HHAT: variants seen among roughly 807,000 people sequenced by gnomAD.
HHAT encodes the protein hedgehog acyltransferase.
A neutral mutation model predicts 70.8 loss-of-function variants in HHAT; 47 were observed. The observed-to-expected ratio is 0.66, with a 90% CI of 0.53 to 0.85. The LOEUF is 0.85. Ranked by LOEUF, HHAT falls within the 40% of genes least tolerant of loss-of-function variation. HHAT has a pLI of 0.00. For synonymous variants in HHAT, 228 were observed against 247.6 expected, an observed-to-expected ratio of 0.92 and a Z score of 0.74; for missense variants, 609 against 604.8, an observed-to-expected ratio of 1.01 and a Z score of -0.07.
intron 6 of HHAT, among the ~76,000 whole-genome samples, chr1:210,405,286 A>C (rs1252520013): frequency 6.6e-6 from 1 of 151,706 alleles, no homozygotes; most frequent in African/African-American, 2.4e-5. Context: ...ATGTTAAGCT[A>C]CCTCTGTTGT....
At chr1:210,359,585 A>G (rs1272702451) in intron 2 of HHAT, among the ~76,000 whole-genome samples, 1 of 152,074 alleles carries the variant, frequency 6.6e-6, no homozygotes, top group Non-Finnish European at 1.5e-5. Flanking sequence ...CTCCGACCTG[A>G]CCAATCAGCC....
At chr1:210,599,657 C>G (rs1663801079) in intron 10 of HHAT, among the ~76,000 whole-genome samples, 1 of 152,134 alleles carries the variant, frequency 6.6e-6, no homozygotes, top group Non-Finnish European at 1.5e-5. Context: ...TACTGAAATC[C>G]TAATCCAAGC....
At chr1:210,524,037 C>CTAAAA (rs1320441433) in intron 9 of HHAT, among the ~76,000 whole-genome samples, 1 of 152,094 alleles carries the variant, frequency 6.6e-6, no homozygotes, top group Non-Finnish European at 1.5e-5. Context: ...TATGAGGTAT[C>CTAAAA]TAAAATAAAC....
chr1:210,618,864 A>T (rs1215766272), intron 10 of HHAT, among the ~76,000 whole-genome samples: 1 of 152,200 alleles, frequency 6.6e-6, no homozygotes, highest in Admixed American at 6.5e-5. Flanking sequence ...AGCCATGGAC[A>T]CCTCACACCT....
At chr1:210,405,990 A>C (rs1018840417) in intron 6 of HHAT, among the ~76,000 whole-genome samples, 2 of 152,186 alleles carry the variant, frequency 1.3e-5, no homozygotes, top group African/African-American at 4.8e-5. Context: ...GTATCGCCAG[A>C]GAGCTTGTTA....
At position 210,663,364 on chromosome 1, in the gene HHAT, T is replaced by C. The variant is rs185242515; in HGVS notation, c.1391-10924T>C. Among the ~76,000 whole-genome samples the C allele has an allele frequency of 4.1e-3, 632 of 152,324 alleles. 4 individuals are homozygous for C. Among genetic ancestry groups the C allele is most frequent in the African/African-American group, 0.014 (602 of 41,576 alleles). ...CCAAGGATTTAAAGGAAAAGAATCC[T>C]GGCCAGCAACGTTCACCATGTGACC... On this transcript the variant is annotated intron_variant, in intron 11 of 11. Transcript: ENST00000261458.
At chr1:210,664,944 A>G (rs150902467) in intron 11 of HHAT, among the ~76,000 whole-genome samples, 3 of 152,330 alleles carry the variant, frequency 2.0e-5, no homozygotes, top group African/African-American at 7.2e-5. Context: ...CCCCAAATTC[A>G]TCAGTCACCA....
At chr1:210,337,020 A>C (rs946693467) in intron 1 of HHAT, among the ~76,000 whole-genome samples, 1 of 152,250 alleles carries the variant, frequency 6.6e-6, no homozygotes, top group East Asian at 1.9e-4. Flanking sequence ...TGAATTAGGG[A>C]CTTATATAAT....
At chr1:210,429,644 T>A (rs1024057492) in intron 7 of HHAT, among the ~76,000 whole-genome samples, 1 of 151,832 alleles carries the variant, frequency 6.6e-6, no homozygotes, top group African/African-American at 2.4e-5. Context: ...TGCTTCATAT[T>A]GTATCTGTGG....
intron 4 of HHAT, among the ~76,000 whole-genome samples, chr1:210,387,867 A>G (rs1408541190): frequency 6.6e-6 from 1 of 152,246 alleles, no homozygotes; most frequent in Admixed American, 6.5e-5. Flanking sequence ...CAAATGATCA[A>G]AAAGTTGCCT....
At chr1:210,490,669 A>T (rs138646407) in intron 8 of HHAT, among the ~76,000 whole-genome samples, 115 of 152,336 alleles carry the variant, frequency 7.5e-4, no homozygotes, top group Non-Finnish European at 1.3e-3. Context: ...CACAAAGGGA[A>T]CGAAAGACAT....
At chr1:210,619,336 C>T (rs1428592801) in intron 10 of HHAT, among the ~76,000 whole-genome samples, 3 of 152,088 alleles carry the variant, frequency 2.0e-5, no homozygotes, top group South Asian at 4.1e-4. Flanking sequence ...TTGGAATTGG[C>T]GGCTACACCT....
chr1:210,624,766 A>G (rs552799526), intron 11 of HHAT, among the ~76,000 whole-genome samples: 49 of 152,226 alleles, frequency 3.2e-4, no homozygotes, highest in African/African-American at 1.1e-3. Flanking sequence ...GAGAATTGGG[A>G]GATTTGGAAC....
chr1:210,502,383 C>CAAAA (rs1177468677), intron 8 of HHAT, among the ~76,000 whole-genome samples: 14,238 of 86,694 alleles, frequency 0.16, 1,589 homozygotes, highest in East Asian at 0.42. Flanking sequence ...GACTCAGTCT[C>CAAAA]AAAAAAAAAA....
chr1:210,334,605 G>A (rs1197324927), intron 1 of HHAT, among the ~76,000 whole-genome samples: 1 of 152,062 alleles, frequency 6.6e-6, no homozygotes, highest in Non-Finnish European at 1.5e-5. Context: ...TCCTTCTGTG[G>A]GTAATATGGT....
intron 9 of HHAT, 141 bp from the exon 10 acceptor site, chr1:210,587,757 T>C (rs1480432024): frequency 1.3e-5 from 9 of 673,614 alleles, no homozygotes; most frequent in African/African-American, 3.6e-5. Context: ...GGATGGAGAA[T>C]CCAAGGAATC....
chr1:210,554,823 A>G (rs930311520), intron 9 of HHAT, among the ~76,000 whole-genome samples: 3 of 152,172 alleles, frequency 2.0e-5, no homozygotes, highest in African/African-American at 7.2e-5. Flanking sequence ...GGTGCCATCT[A>G]GCAATCTGCC....
chr1:210,599,817 A>T (rs1158403551), intron 10 of HHAT, among the ~76,000 whole-genome samples: 1 of 151,780 alleles, frequency 6.6e-6, no homozygotes, highest in Non-Finnish European at 1.5e-5. Flanking sequence ...TCCTATAGTG[A>T]CTCCCATTGT....
intron 8 of HHAT, among the ~76,000 whole-genome samples, chr1:210,471,960 G>T (rs983517969): frequency 3.3e-5 from 5 of 152,086 alleles, no homozygotes; most frequent in Non-Finnish European, 5.9e-5. Flanking sequence ...ATCCTATGAA[G>T]TAGTTACTGT....
Sources: gnomAD v4.1 joint callset for allele counts (sites outside exome capture counted in the v4.1 genomes callset) on GRCh38, gnomAD v4.1.1 for gene constraint, MANE v1.5 for transcripts, NCBI Gene and HGNC (gene_info 2026-07-23, HGNC 2026-07-21) for gene names.